The following VCAN variants were observed in gnomAD, a reference collection of about 807,000 sequenced individuals.
The protein encoded by VCAN is versican.
Under a neutral mutation model 245.5 loss-of-function variants are expected in VCAN, and 44 were observed. The ratio of observed to expected loss-of-function variants is 0.18; its 90% CI spans 0.14 to 0.23. The LOEUF (loss-of-function observed/expected upper bound fraction) is 0.23, where lower values mean the gene tolerates loss of function less well. Among genes scored for constraint, VCAN ranks in the 10% least tolerant of loss-of-function variants. VCAN has a pLI of 1.00. For missense variants in VCAN, 3,793 were observed against 4,057.9 expected (o/e 0.93, Z 1.77); for synonymous variants, 1,413 against 1,437.0 (o/e 0.98, Z 0.38).
rs79327411 is a variant in VCAN, at chr5:83,540,550, C to T, written c.7547C>T (p.Thr2516Ile). Residue 2516 changes from threonine (T) to isoleucine (I), a missense_variant, in exon 8 of 15, where the codon ACA becomes ATA. By Grantham distance (89) the Thr-to-Ile change is moderately conservative. This residue lies in a region of VCAN where 3,182 missense variants were observed against 3,250.3 expected (regional missense o/e 0.98). Transcript: ENST00000265077. Reference sequence around the variant, plus strand: ...AATACAGTGTCATATGAGAGGTCCACAGACGGTAGTTTCCAAGACCGTTTC... The same window carrying T: ...AATACAGTGTCATATGAGAGGTCCATAGACGGTAGTTTCCAAGACCGTTTC... ...LSNTVSYERS[T>I]DGSFQDRFRE... 56 of 1,614,000 alleles carry T rather than the reference C, an allele frequency of 3.5e-5. No individual in the cohort carries two copies. The Admixed American group carries it at 5.7e-4, about 16-fold the overall frequency.
intron 2 of VCAN, among the ~76,000 whole-genome samples, chr5:83,488,899 G>A (rs1286781825): frequency 6.6e-6 from 1 of 151,992 alleles, no homozygotes; most frequent in Non-Finnish European, 1.5e-5. Context: ...CTCTTTTTAG[G>A]TTAAAATTTT....
rs148008263 is a variant in VCAN, at chr5:83,540,062, G to A, written c.7059G>A (p.Thr2353=). 51 of 1,613,950 alleles carry A rather than the reference G, an allele frequency of 3.2e-5. No individual in the cohort carries two copies. The highest frequency in any genetic ancestry group is 1.6e-4 in the African/African-American group (12 of 75,008). The change falls in exon 8 of 15, where the codon ACG becomes ACA. Residue 2353 remains threonine, a synonymous_variant. Coordinates refer to ENST00000265077, the MANE Select transcript of VCAN (RefSeq NM_004385.5). ...GPTVAPLPFS[T]DIGHPQNQTV... is the part of the protein sequence containing the mutation. ...CGGTGGCACCTCTCCCTTTCTCCAC[G>A]GACATCGGACATCCTCAAAATCAGA...
rs1746114582 is a variant in VCAN, at chr5:83,521,825, A to G, written c.3519A>G (p.Thr1173=). 2 of 1,614,178 alleles carry G rather than the reference A, an allele frequency of 1.2e-6. No homozygotes were observed. Among genetic ancestry groups the G allele is most frequent in the East Asian group, 4.5e-5 (2 of 44,888 alleles). ...QLMEETTTEK[T]SLEDIDLGSG... ...TGGAAGAAACCACTACTGAGAAAAC[A>G]TCCCTAGAGGATATTGATTTAGGCT... Residue 1173 remains threonine, a synonymous_variant, in exon 7 of 15, where the codon ACA becomes ACG. Coordinates refer to ENST00000265077, the MANE Select transcript of VCAN (RefSeq NM_004385.5).
chr5:83,551,865 T>A (rs1747483520), intron 10 of VCAN, among the ~76,000 whole-genome samples: 1 of 146,166 alleles, frequency 6.8e-6, no homozygotes, highest in Non-Finnish European at 1.6e-5. Context: ...AAATACTACA[T>A]CCAAGTAGCC....
In VCAN at chr5:83,490,340, A is replaced by C. The variant is rs1365604492; in HGVS notation, c.313A>C (p.Thr105Pro). The C allele has an allele frequency of 3.7e-6, 6 of 1,614,172 alleles. No individual in the cohort carries two copies. In the East Asian group the frequency reaches 1.3e-4, roughly 36 times the overall value. ...QDYKGRVSVP[T>P]HPEAVGDASL... ...CTACAAAGGGAGAGTGTCTGTGCCC[A>C]CACATCCCGAGGCTGTGGGCGATGC... The change falls in exon 3 of 15, where the codon ACA (threonine) becomes CCA (proline). Residue 105 changes from threonine (T) to proline (P), a missense_variant. By Grantham distance (38) the Thr-to-Pro change is conservative (BLOSUM62 -1). This residue lies in a region of VCAN where 179 missense variants were observed against 169.7 expected (regional missense o/e 1.05). Transcript: ENST00000265077.
chr5:83,521,537 A>G lies in VCAN; in HGVS notation c.3231A>G (p.Glu1077=). Residue 1077 remains glutamate (E), a synonymous_variant, in exon 7 of 15, where the codon GAA becomes GAG. Transcript: ENST00000265077. ...ATGGATCAGCATATACAGTCTCTGAAGATGAATTGTTGACAGGTTCTGAGA... is the reference window on the plus strand; with the variant it reads ...ATGGATCAGCATATACAGTCTCTGAGGATGAATTGTTGACAGGTTCTGAGA... The part of the protein sequence containing the change: ...EGDGSAYTVS[E]DELLTGSERV... The G allele has an allele frequency of 6.2e-7, 1 of 1,614,046 alleles. No homozygotes were observed. The highest frequency in any genetic ancestry group is 8.5e-7 in the Non-Finnish European group (1 of 1,180,006).
rs376295351 is a variant in VCAN at position 83,499,251 on chromosome 5, G to A, written c.748+5320G>A. Among the ~76,000 whole-genome samples the A allele has an allele frequency of 1.4e-4, 21 of 152,068 alleles. No individual in the cohort carries two copies. The South Asian group carries it at 4.2e-3, about 30-fold the overall frequency. Reference sequence around the variant, plus strand: ...TGCTTAATTGTTTTCTGGTTTCTTTGTGTTCATAAAATATAAAATGTTATA... The same window carrying A: ...TGCTTAATTGTTTTCTGGTTTCTTTATGTTCATAAAATATAAAATGTTATA... On this transcript the variant is annotated intron_variant, in intron 5 of 14. Coordinates refer to ENST00000265077, the MANE Select transcript of VCAN (RefSeq NM_004385.5).
At chr5:83,569,764 A>G (rs1202747778) in intron 12 of VCAN, among the ~76,000 whole-genome samples, 2 of 152,170 alleles carry the variant, frequency 1.3e-5, no homozygotes, top group African/African-American at 4.8e-5. Context: ...GAGCTCCTAA[A>G]TCCAAATTTA....
intron 12 of VCAN, among the ~76,000 whole-genome samples, chr5:83,569,107 A>C (rs1748189107): frequency 6.6e-6 from 1 of 152,192 alleles, no homozygotes; most frequent in Non-Finnish European, 1.5e-5. Context: ...TGTTTACTCT[A>C]TAAATTGTTT....
Position 83,541,271 on chromosome 5 carries a change from T to C in VCAN, c.8268T>C (p.His2756=), listed in dbSNP as rs944771360. Residue 2756 remains histidine, a synonymous_variant, in exon 8 of 15, where the codon CAT becomes CAC. Coordinates refer to ENST00000265077, the MANE Select transcript of VCAN (RefSeq NM_004385.5). The stretch of plus-strand genomic sequence containing the variant: ...AGGAGGAGTATGAAGACAAAAAACA[T>C]GCTGGTCCTTCTTTTCAGCCAGAAT... ...RTQEEYEDKK[H]AGPSFQPEFS... is the part of the protein sequence containing the mutation. The C allele has an allele frequency of 1.2e-6, 2 of 1,613,948 alleles. No individual in the cohort carries two copies. Among genetic ancestry groups the C allele is most frequent in the South Asian group, 2.2e-5 (2 of 91,086 alleles).
chr5:83,571,795 T>C (rs1280276144), intron 12 of VCAN, among the ~76,000 whole-genome samples: 1 of 152,152 alleles, frequency 6.6e-6, no homozygotes, highest in Non-Finnish European at 1.5e-5. Context: ...GAATCACATC[T>C]AAAACAAACT....
At chr5:83,481,313 C>T (rs1298164110) in intron 1 of VCAN, among the ~76,000 whole-genome samples, 10 of 151,008 alleles carry the variant, frequency 6.6e-5, no homozygotes, top group Admixed American at 3.3e-4. Context: ...TCACTGCAAC[C>T]TCCACCTCCC....
chr5:83,563,873 T>TA (rs60937107), intron 12 of VCAN, among the ~76,000 whole-genome samples: 3,337 of 152,300 alleles, frequency 0.022, 103 homozygotes, highest in African/African-American at 0.072. Flanking sequence ...GCTTAGGTGT[T>TA]TATCTATGAT....
chr5:83,568,000 T>C (rs1472138859), intron 12 of VCAN, among the ~76,000 whole-genome samples: 2 of 152,194 alleles, frequency 1.3e-5, no homozygotes, highest in African/African-American at 4.8e-5. Flanking sequence ...TGTATTCCTG[T>C]ATATATGAGA....
In VCAN at chr5:83,519,536, C is replaced by A; in HGVS notation, c.1230C>A (p.Val410=). The A allele has an allele frequency of 6.2e-7, 1 of 1,614,142 alleles. No individual in the cohort carries two copies. Among genetic ancestry groups the A allele is most frequent in the Non-Finnish European group, 8.5e-7 (1 of 1,179,972 alleles). The change falls in exon 7 of 15, where the codon GTC becomes GTA. Residue 410 remains valine, a synonymous_variant. Transcript: ENST00000265077. ...NIVSFEQKAT[V]QPQAITDSLA... ...TCAGTTTTGAACAGAAAGCCACAGT[C>A]CAACCTCAGGCTATCACAGATAGTT...
chr5:83,486,074 A>G (rs1488258692), intron 2 of VCAN, among the ~76,000 whole-genome samples: 2 of 152,082 alleles, frequency 1.3e-5, no homozygotes, highest in Non-Finnish European at 1.5e-5. Flanking sequence ...TCGAGGCTGC[A>G]GTGAGTCATG....
In VCAN at chr5:83,564,318, G is replaced by GT. The variant is rs1417059169; in HGVS notation, c.9736-8097dup. ...AAGAATGGATATATATCACCACCTAGTGGTCGTATTGTATTTTGTGTTTCA... is the reference window on the plus strand; with the variant it reads ...AAGAATGGATATATATCACCACCTAGTTGGTCGTATTGTATTTTGTGTTTCA... On this transcript the variant is annotated intron_variant, in intron 12 of 14. Transcript: ENST00000265077. 2.0e-5 allele frequency among the ~76,000 whole-genome samples: 3 copies of GT among 152,190 alleles called. No homozygotes were observed. In the East Asian group the frequency reaches 5.8e-4, roughly 29 times the overall value.
In VCAN at chr5:83,540,515, C is replaced by T. The variant is rs1234512438; in HGVS notation, c.7512C>T (p.Ser2504=). The T allele has an allele frequency of 1.2e-6, 2 of 1,613,820 alleles. No individual in the cohort carries two copies. The highest frequency in any genetic ancestry group is 1.3e-5 in the African/African-American group (1 of 74,874). The part of the protein sequence containing the change: ...EQNKSSPDPT[S]TLSNTVSYER... The stretch of plus-strand genomic sequence containing the variant: ...ACAAAAGCTCCCCTGATCCAACTAG[C>T]ACACTGTCAAATACAGTGTCATATG... The change falls in exon 8 of 15, where the codon AGC becomes AGT. Residue 2504 remains serine (S), a synonymous_variant. Coordinates refer to ENST00000265077, the MANE Select transcript of VCAN (RefSeq NM_004385.5).
chr5:83,578,247 T>G (rs958083808), intron 13 of VCAN, among the ~76,000 whole-genome samples: 3 of 151,952 alleles, frequency 2.0e-5, no homozygotes, highest in Non-Finnish European at 2.9e-5. Context: ...AACCAAATAC[T>G]GCGTATTTTC....
Sources: gnomAD v4.1 joint callset for allele counts (sites outside exome capture counted in the v4.1 genomes callset) on GRCh38, gnomAD v4.1.1 for gene constraint, gnomAD v4.1.1 regional missense constraint, MANE v1.5 for transcripts, NCBI Gene and HGNC (gene_info 2026-07-23, HGNC 2026-07-21) for gene names.